Variants in TNFRSF10A observed in about 807,000 individuals in gnomAD.
The protein encoded by TNFRSF10A is TNF receptor superfamily member 10a, also known as tumor necrosis factor receptor superfamily member 10A.
TNFRSF10A carries 44 observed loss-of-function variants against 42.8 expected under a neutral mutation model. The observed-to-expected ratio is 1.03, with a 90% CI of 0.81 to 1.32. The LOEUF (loss-of-function observed/expected upper bound fraction) is 1.32, where lower values mean the gene tolerates loss of function less well. Ranked by LOEUF, TNFRSF10A falls within the 40% of genes most tolerant of loss-of-function variation. The pLI is 0.00. For synonymous variants in TNFRSF10A, 259 were observed against 234.2 expected (o/e 1.11, Z -0.97); for missense variants, 680 against 602.0 (o/e 1.13, Z -1.36).
At chr8:23,212,488 T>G (rs1358363263) in intron 1 of TNFRSF10A, among the ~76,000 whole-genome samples, 1 of 152,254 alleles carries the variant, frequency 6.6e-6, no homozygotes, top group East Asian at 1.9e-4. Context: ...ATGGTTTTCT[T>G]GAGGCTGTCA....
At chr8:23,203,225 A>G (rs1238079477) in intron 2 of TNFRSF10A, among the ~76,000 whole-genome samples, 1 of 152,196 alleles carries the variant, frequency 6.6e-6, no homozygotes, top group Non-Finnish European at 1.5e-5. Flanking sequence ...CCTAGAGACC[A>G]GGGCAATGCC....
rs1800831109 is a variant in TNFRSF10A, at chr8:23,196,981, A to G, written c.1087+151T>C. 1.2e-5 allele frequency: 12 copies of G among 970,884 alleles called. No homozygotes were observed. The Admixed American group carries it at 2.3e-4, about 18-fold the overall frequency. The allele number at this position is 970,884 out of a possible 1,614,324, so 60.1% of individuals were successfully genotyped here. A position where few individuals can be genotyped will look rare whatever the true frequency, so the allele number is the denominator to read the frequency against. On this transcript the variant is annotated intron_variant, in intron 9 of 9. Transcript: ENST00000221132. ...GAGTGGGAAGAAGAGATGGGAGAAG[A>G]CAATTTAGGGTCTTGATGGTCTATA...
chr8:23,218,872 T>C (rs1801219823), intron 1 of TNFRSF10A, among the ~76,000 whole-genome samples: 1 of 152,222 alleles, frequency 6.6e-6, no homozygotes, highest in Admixed American at 6.5e-5. Context: ...TGTATGAGGA[T>C]TAAGTGTGTT....
intron 2 of TNFRSF10A, among the ~76,000 whole-genome samples, chr8:23,205,005 C>T (rs1800985143): frequency 6.6e-6 from 1 of 151,854 alleles, no homozygotes; most frequent in Admixed American, 6.6e-5. Context: ...ATAATCCACT[C>T]TAAGACACTC....
chr8:23,195,419 T>A (rs949541796), intron 9 of TNFRSF10A, among the ~76,000 whole-genome samples: 4 of 152,262 alleles, frequency 2.6e-5, no homozygotes, highest in African/African-American at 9.6e-5. Flanking sequence ...ATTTGAGGCA[T>A]ATTTCTCTCT....
In TNFRSF10A at chr8:23,200,737, A is replaced by G; in HGVS notation, c.653T>C (p.Val218Ala). The change falls in exon 5 of 10, where the codon GTC becomes GCC. Residue 218 changes from valine (V) to alanine (A), a missense_variant. Transcript: ENST00000221132. ...SRGCPRGMVKVKDCTPWSDIE... is the reference protein window; with the variant it reads ...SRGCPRGMVKAKDCTPWSDIE... ...GTCACTCCAGGGCGTACAATCCTTG[A>G]CCTTGACCATCCCTCTGGGGCACCT... The G allele has an allele frequency of 6.8e-7, 1 of 1,464,600 alleles. No individual in the cohort carries two copies. The highest frequency in any genetic ancestry group is 9.2e-7 in the Non-Finnish European group (1 of 1,089,366). 90.7% of individuals were successfully genotyped at this position (1,464,600 alleles called of 1,614,324 possible).
intron 1 of TNFRSF10A, among the ~76,000 whole-genome samples, chr8:23,222,707 T>C (rs960737992): frequency 6.6e-6 from 1 of 152,288 alleles, no homozygotes; most frequent in East Asian, 1.9e-4. Context: ...TGAACCGTAA[T>C]GTAGCTGGTG....
intron 9 of TNFRSF10A, among the ~76,000 whole-genome samples, chr8:23,194,989 T>A (rs937530402): frequency 6.6e-6 from 1 of 152,002 alleles, no homozygotes; most frequent in African/African-American, 2.4e-5. Flanking sequence ...CAAAACCCTG[T>A]CTCTACTAAA....
At chr8:23,222,843 G>T (rs911551299) in intron 1 of TNFRSF10A, among the ~76,000 whole-genome samples, 2 of 151,942 alleles carry the variant, frequency 1.3e-5, no homozygotes, top group African/African-American at 4.8e-5. Flanking sequence ...AATGAACCTG[G>T]CCCCTCCCCG....
intron 1 of TNFRSF10A, among the ~76,000 whole-genome samples, chr8:23,214,820 T>G (rs547037479): frequency 6.6e-6 from 1 of 152,310 alleles, no homozygotes; most frequent in African/African-American, 2.4e-5. Context: ...TATTAAATAA[T>G]GAACTTCAGG....
At chr8:23,194,429 G>T (rs868747610) in intron 9 of TNFRSF10A, among the ~76,000 whole-genome samples, 1 of 152,274 alleles carries the variant, frequency 6.6e-6, no homozygotes, top group Middle Eastern at 3.4e-3. Flanking sequence ...ATACATTTTT[G>T]TCTGGGCTTA....
At chr8:23,216,495 G>A (rs2128851271) in intron 1 of TNFRSF10A, among the ~76,000 whole-genome samples, 1 of 152,236 alleles carries the variant, frequency 6.6e-6, no homozygotes, top group Middle Eastern at 3.4e-3. Flanking sequence ...TGTAATCCCA[G>A]CACTTTGGGA....
chr8:23,207,322 C>T, intron 2 of TNFRSF10A: 2 of 595,778 alleles, frequency 3.4e-6, no homozygotes, highest in South Asian at 2.7e-5. Flanking sequence ...TCGACTGGCT[C>T]CTGATTACCA....
At chr8:23,211,119 T>C (rs1369868044) in intron 2 of TNFRSF10A, among the ~76,000 whole-genome samples, 3 of 152,218 alleles carry the variant, frequency 2.0e-5, no homozygotes, top group Non-Finnish European at 2.9e-5. Context: ...TAAAACTTTC[T>C]CTATTTGCAA....
chr8:23,208,496 GCCC>G (rs1801049170), intron 2 of TNFRSF10A, among the ~76,000 whole-genome samples: 1 of 151,968 alleles, frequency 6.6e-6, no homozygotes. Context: ...TTGCTCTGTT[GCCC>G]AGGCTGGAGT....
At chr8:23,203,038 A>G (rs530599607) in intron 2 of TNFRSF10A, among the ~76,000 whole-genome samples, 54 of 152,248 alleles carry the variant, frequency 3.5e-4, no homozygotes, top group Non-Finnish European at 7.3e-4. Flanking sequence ...TTAACAATGT[A>G]CTTTTTGGAC....
intron 1 of TNFRSF10A, among the ~76,000 whole-genome samples, chr8:23,217,320 A>C (rs1467331075): frequency 6.6e-6 from 1 of 151,880 alleles, no homozygotes; most frequent in African/African-American, 2.4e-5. Context: ...GGTTCAAGTG[A>C]TTCTCCTGCC....
intron 2 of TNFRSF10A, among the ~76,000 whole-genome samples, chr8:23,204,095 C>A: frequency 6.6e-6 from 1 of 151,532 alleles, no homozygotes; most frequent in East Asian, 2.0e-4. Context: ...AACTTCCTTG[C>A]TGATGTGTTA....
chr8:23,214,864 A>G (rs570580783), intron 1 of TNFRSF10A, among the ~76,000 whole-genome samples: 199 of 152,354 alleles, frequency 1.3e-3, no homozygotes, highest in Non-Finnish European at 2.3e-3. Context: ...GTCCCCCAAA[A>G]CAGCCTGCCA....
Sources: gnomAD v4.1 joint callset for allele counts (sites outside exome capture counted in the v4.1 genomes callset) on GRCh38, gnomAD v4.1.1 for gene constraint, MANE v1.5 for transcripts, NCBI Gene and HGNC (gene_info 2026-07-23, HGNC 2026-07-21) for gene names.